The following NTM variants were observed in gnomAD, a reference collection of about 807,000 sequenced individuals.
NTM encodes the protein neurotrimin.
NTM carries 13 observed loss-of-function variants against 42.1 expected under a neutral mutation model. That is an observed-to-expected ratio of 0.31 (90% confidence interval 0.20 to 0.49). The LOEUF is 0.49. NTM is among the 20% of genes least tolerant of loss of function. The pLI is 0.99. For synonymous variants in NTM, 187 were observed against 179.2 expected (o/e 1.04, Z -0.35); for missense variants, 373 against 452.8 (o/e 0.82, Z 1.60).
intron 4 of NTM, among the ~76,000 whole-genome samples, chr11:132,258,038 G>A (rs866937787): frequency 6.6e-6 from 1 of 152,198 alleles, no homozygotes; most frequent in African/African-American, 2.4e-5. Flanking sequence ...AGCTGCTGGG[G>A]CATTTCTAAC....
chr11:132,080,154 A>G (rs1459084324), intron 2 of NTM, among the ~76,000 whole-genome samples: 1 of 151,580 alleles, frequency 6.6e-6, no homozygotes, highest in African/African-American at 2.4e-5. Context: ...AAGAGTCATT[A>G]TGAAACTCAG....
At chr11:131,960,354 A>C (rs2062021642) in intron 2 of NTM, among the ~76,000 whole-genome samples, 2 of 152,238 alleles carry the variant, frequency 1.3e-5, no homozygotes, top group Non-Finnish European at 2.9e-5. Context: ...TGCTAGAATA[A>C]TTGAGTCTAA....
At chr11:132,328,897 G>A (rs2136408220) in intron 7 of NTM, among the ~76,000 whole-genome samples, 1 of 152,178 alleles carries the variant, frequency 6.6e-6, no homozygotes, top group Admixed American at 6.5e-5. Context: ...AGGCACCATG[G>A]CATCATCACC....
rs534260887 is a variant in NTM at position 132,311,740 on chromosome 11, A to ATTCT, written c.782+1511_782+1514dup. Among the ~76,000 whole-genome samples the ATTCT allele has an allele frequency of 1.1e-3, 161 of 152,174 alleles. No homozygotes were observed. The South Asian group carries it at 0.017, about 16-fold the overall frequency. On this transcript the variant is annotated intron_variant, in intron 6 of 8. Coordinates refer to ENST00000683400, the MANE Select transcript of NTM (RefSeq NM_001352005.2). ...TCATCAGCTGCGTCCTATTATTCCAATTCTTTATTGGAGAAAAATAGAAAA... is the reference window on the plus strand; with the variant it reads ...TCATCAGCTGCGTCCTATTATTCCAATTCTTTCTTTATTGGAGAAAAATAGAAAA...
intron 2 of NTM, among the ~76,000 whole-genome samples, chr11:131,956,806 C>A (rs562465738): frequency 1.3e-5 from 2 of 152,214 alleles, no homozygotes; most frequent in East Asian, 3.9e-4. Context: ...TTTTGTGGGA[C>A]AGCATCAGCC....
At chr11:131,885,532 C>T (rs946427436) in intron 1 of NTM, among the ~76,000 whole-genome samples, 1 of 152,214 alleles carries the variant, frequency 6.6e-6, no homozygotes, top group Non-Finnish European at 1.5e-5. Context: ...ATCCCACGCT[C>T]TTCCTCAGGG....
Position 132,034,685 on chromosome 11 carries a change from A to G in NTM, c.168-111597A>G, listed in dbSNP as rs117320512. On this transcript the variant is annotated intron_variant, in intron 2 of 8. Coordinates refer to ENST00000683400, the MANE Select transcript of NTM (RefSeq NM_001352005.2). ...GACAAAGGAACCTGGAGAGAGGAGTAGACTTTCTTTTTCTCTCCTCAGAGT... is the reference window on the plus strand; with the variant it reads ...GACAAAGGAACCTGGAGAGAGGAGTGGACTTTCTTTTTCTCTCCTCAGAGT... 2.5e-4 allele frequency among the ~76,000 whole-genome samples: 38 copies of G among 152,324 alleles called. No homozygotes were observed. In the East Asian group the frequency reaches 5.4e-3, roughly 22 times the overall value.
chr11:131,488,220 T>G (rs977025642), intron 1 of NTM, among the ~76,000 whole-genome samples: 2 of 152,222 alleles, frequency 1.3e-5, no homozygotes, highest in African/African-American at 4.8e-5. Flanking sequence ...TGATTTCTTA[T>G]GTTTCTGTAG....
At chr11:131,635,642 ACT>A (rs1491554498) in intron 1 of NTM, among the ~76,000 whole-genome samples, 1 of 152,148 alleles carries the variant, frequency 6.6e-6, no homozygotes, top group Admixed American at 6.5e-5. Flanking sequence ...TTGAATAAAG[ACT>A]TTTTTATTAA....
At chr11:131,905,601 C>A (rs141083691) in intron 1 of NTM, among the ~76,000 whole-genome samples, 5 of 152,200 alleles carry the variant, frequency 3.3e-5, no homozygotes, top group African/African-American at 1.2e-4. Flanking sequence ...CTTCCAGGCA[C>A]GATGAGAATC....
chr11:132,189,827 T>G (rs1190417326), intron 3 of NTM, among the ~76,000 whole-genome samples: 2 of 152,236 alleles, frequency 1.3e-5, no homozygotes, highest in Non-Finnish European at 2.9e-5. Context: ...GGTTTATGCA[T>G]ACAAATGAAC....
At chr11:132,156,566 C>T (rs10750501) in intron 3 of NTM, among the ~76,000 whole-genome samples, 151,888 of 152,388 alleles carry the variant, frequency 1, 75,695 homozygotes, top group East Asian at 1. Context: ...TCAGGGGGCC[C>T]GTATGCTTGT....
intron 2 of NTM, among the ~76,000 whole-genome samples, chr11:132,104,971 ATATATATATATATATATAT>A (rs2062149565): frequency 8.4e-6 from 1 of 119,408 alleles, no homozygotes; most frequent in Admixed American, 8.3e-5. Context: ...ATATATATAT[ATATATATATATATATATAT>A]ATTTCATGGG....
At chr11:131,405,698 C>T (rs1459921920) in intron 1 of NTM, among the ~76,000 whole-genome samples, 1 of 152,150 alleles carries the variant, frequency 6.6e-6, no homozygotes, top group Non-Finnish European at 1.5e-5. Flanking sequence ...ACTTTCCAAG[C>T]ATACATCCAA....
At chr11:131,512,104 C>T (rs373181302) in intron 1 of NTM, among the ~76,000 whole-genome samples, 1 of 152,092 alleles carries the variant, frequency 6.6e-6, no homozygotes, top group African/African-American at 2.4e-5. Flanking sequence ...TTGCGCATTC[C>T]ACTTGCTAAT....
intron 2 of NTM, among the ~76,000 whole-genome samples, chr11:132,115,109 T>A (rs2063710332): frequency 4.6e-5 from 7 of 152,114 alleles, no homozygotes; most frequent in Admixed American, 3.3e-4. Context: ...ATCCAACTCA[T>A]AAAAGCAGAG....
chr11:131,982,796 C>T (rs557079416), intron 2 of NTM, among the ~76,000 whole-genome samples: 1 of 152,234 alleles, frequency 6.6e-6, no homozygotes, highest in East Asian at 1.9e-4. Context: ...GTTAGTAACT[C>T]AGAGCTTTGG....
At chr11:131,540,811 C>T (rs1170264604) in intron 1 of NTM, 3 of 152,182 alleles carry the variant, frequency 2.0e-5, no homozygotes, top group African/African-American at 7.2e-5. Flanking sequence ...CCTCTGTGCT[C>T]ATTACCTCTA....
At chr11:131,598,769 T>C (rs2060112220) in intron 1 of NTM, among the ~76,000 whole-genome samples, 3 of 105,224 alleles carry the variant, frequency 2.9e-5, no homozygotes, top group African/African-American at 8.5e-5. Flanking sequence ...TTTCTTTTTT[T>C]CTTTCTTTCT....
Sources: allele counts gnomAD v4.1 joint callset (sites outside exome capture counted in the v4.1 genomes callset), GRCh38; gene constraint gnomAD v4.1.1; transcripts MANE v1.5; gene names NCBI Gene and HGNC (gene_info 2026-07-23, HGNC 2026-07-21).